The following ZC3H3 variants were observed in gnomAD, a reference collection of about 807,000 sequenced individuals.
The protein encoded by ZC3H3 is zinc finger CCCH-type containing 3, also known as zinc finger CCCH domain-containing protein 3.
A neutral mutation model predicts 77.3 loss-of-function variants in ZC3H3; 36 were observed. The observed-to-expected ratio is 0.47, with a 90% CI of 0.36 to 0.61. ZC3H3 has a LOEUF of 0.61. Among genes scored for constraint, ZC3H3 ranks in the 20% least tolerant of loss-of-function variants. The pLI, the probability that ZC3H3 is intolerant of heterozygous loss-of-function variation, is 0.00. For missense variants in ZC3H3, 1,331 were observed against 1,312.2 expected (o/e 1.01, Z -0.22); for synonymous variants, 626 against 555.2 (o/e 1.13, Z -1.79).
chr8:143,443,215 G>C (rs1819790053), intron 9 of ZC3H3, among the ~76,000 whole-genome samples: 1 of 150,308 alleles, frequency 6.7e-6, no homozygotes, highest in African/African-American at 2.4e-5. Context: ...AACCTGGGTG[G>C]TGGAGGTTGC....
chr8:143,490,126 C>T (rs981751711), intron 4 of ZC3H3, among the ~76,000 whole-genome samples: 22 of 152,104 alleles, frequency 1.4e-4, no homozygotes, highest in Non-Finnish European at 2.2e-4. Flanking sequence ...GCAGGGGCGG[C>T]GGGGGTGAAG....
intron 3 of ZC3H3, among the ~76,000 whole-genome samples, chr8:143,512,060 C>T (rs935854892): frequency 2.0e-5 from 3 of 152,242 alleles, no homozygotes; most frequent in African/African-American, 4.8e-5. Flanking sequence ...ACCATGTTCC[C>T]GGGAGAAGTG....
intron 3 of ZC3H3, among the ~76,000 whole-genome samples, chr8:143,508,249 CA>C (rs1456557976): frequency 1.3e-5 from 2 of 152,224 alleles, no homozygotes; most frequent in African/African-American, 2.4e-5. Flanking sequence ...GTATCCGCAA[CA>C]GGGGGACTCG....
At chr8:143,470,726 C>G (rs1001912127) in intron 5 of ZC3H3, among the ~76,000 whole-genome samples, 4 of 152,234 alleles carry the variant, frequency 2.6e-5, no homozygotes, top group African/African-American at 9.6e-5. Context: ...AAAAAAATGC[C>G]AGTGTGAGGC....
rs536480489 is a variant in ZC3H3 at position 143,494,384 on chromosome 8, G to A, written c.1715+13362C>T. 2.2e-4 allele frequency among the ~76,000 whole-genome samples: 33 copies of A among 152,342 alleles called. No individual in the cohort carries two copies. Among genetic ancestry groups the A allele is most frequent in the African/African-American group, 7.9e-4 (33 of 41,586 alleles). On this transcript the variant is annotated intron_variant, in intron 4 of 11. Coordinates refer to ENST00000262577, the MANE Select transcript of ZC3H3 (RefSeq NM_015117.3). This position sits in a 1 kb window ranked among gnomAD's most constrained non-coding sequence, Gnocchi z 5.3. ...AGCCCTCCCTCTGAGCAGGCCCCAG[G>A]CTCTGGGTGGGAAAAGCACAAATGC...
intron 3 of ZC3H3, among the ~76,000 whole-genome samples, chr8:143,519,003 C>T (rs1026506317): frequency 2.0e-5 from 3 of 152,226 alleles, no homozygotes; most frequent in East Asian, 1.9e-4. Context: ...GCCTGCCTCC[C>T]GGTGATGCAT....
intron 4 of ZC3H3, among the ~76,000 whole-genome samples, chr8:143,506,415 G>A (rs1025937709): frequency 2.6e-5 from 4 of 152,058 alleles, no homozygotes; most frequent in African/African-American, 9.7e-5. Flanking sequence ...CATGACTCCC[G>A]ATCACAGTGA....
intron 3 of ZC3H3, among the ~76,000 whole-genome samples, chr8:143,523,129 AAGAGGTGCTTTACCTC>A: frequency 6.6e-6 from 1 of 152,278 alleles, no homozygotes; most frequent in Admixed American, 6.5e-5. Context: ...TTCTCCCTGG[AAGAGGTGCTTTACCTC>A]CTCCTGCTTT....
At chr8:143,537,867 C>T in intron 2 of ZC3H3, 136 bp downstream of exon 2, 2 of 1,013,240 alleles carry the variant, frequency 2.0e-6, no homozygotes, top group Non-Finnish European at 2.9e-6. Context: ...CACAGCAGCA[C>T]TTCCTGCCTC....
At chr8:143,508,524 C>CT (rs760572133) in intron 3 of ZC3H3, among the ~76,000 whole-genome samples, 41 of 152,248 alleles carry the variant, frequency 2.7e-4, no homozygotes, top group Admixed American at 6.5e-4. Flanking sequence ...TAACAGGAAT[C>CT]TTTTGCCCGA....
intron 3 of ZC3H3, among the ~76,000 whole-genome samples, chr8:143,515,668 C>T (rs575308192): frequency 3.0e-4 from 45 of 152,312 alleles, no homozygotes; most frequent in Non-Finnish European, 5.1e-4. Context: ...CAATGCCAGC[C>T]ACATCAGCTG....
intron 9 of ZC3H3, among the ~76,000 whole-genome samples, chr8:143,463,135 C>T (rs146802344): frequency 2.0e-5 from 3 of 152,266 alleles, no homozygotes; most frequent in East Asian, 1.9e-4. Flanking sequence ...AGGCATTTGC[C>T]GCCACAACCG....
At chr8:143,457,047 G>A (rs569345501) in intron 9 of ZC3H3, among the ~76,000 whole-genome samples, 2 of 152,134 alleles carry the variant, frequency 1.3e-5, no homozygotes, top group Non-Finnish European at 2.9e-5. Context: ...AAACTAGACC[G>A]CAAATCATCA....
At chr8:143,461,843 G>T (rs56077651) in intron 9 of ZC3H3, among the ~76,000 whole-genome samples, 1 of 151,928 alleles carries the variant, frequency 6.6e-6, no homozygotes, top group Non-Finnish European at 1.5e-5. Flanking sequence ...AGGGAATTCT[G>T]GGGGGCGATG....
chr8:143,460,249 A>AAAATAAATAAAT lies in ZC3H3; in HGVS notation c.2307+5456_2307+5467dup, dbSNP rs539928786. On this transcript the variant is annotated intron_variant, in intron 9 of 11. Coordinates refer to ENST00000262577, the MANE Select transcript of ZC3H3 (RefSeq NM_015117.3). This position sits in a 1 kb window ranked among gnomAD's most constrained non-coding sequence, Gnocchi z 4.0. Reference sequence around the variant, plus strand: ...GGCGACAGAGTGAGACTATGTCTCAAAAATAAATAAATAAATAAATAAATA... The same window carrying AAAATAAATAAAT: ...GGCGACAGAGTGAGACTATGTCTCAAAAATAAATAAATAAATAAATAAATAAATAAATAAATA... Among the ~76,000 whole-genome samples, 491 of 144,216 alleles carry AAAATAAATAAAT rather than the reference A, an allele frequency of 3.4e-3. 1 individual carries two copies. The highest frequency in any genetic ancestry group is 7.2e-3 in the Middle Eastern group (2 of 278). 94.6% of individuals were successfully genotyped at this position (144,216 alleles called of 152,430 possible).
At chr8:143,446,586 G>C (rs762171020) in intron 9 of ZC3H3, among the ~76,000 whole-genome samples, 13 of 152,206 alleles carry the variant, frequency 8.5e-5, no homozygotes, top group Non-Finnish European at 1.5e-4. Flanking sequence ...CATGGGAAAA[G>C]GTTTTCCACC....
At position 143,538,626 on chromosome 8, in the gene ZC3H3, C is replaced by A. The variant is rs1822891287; in HGVS notation, c.741G>T (p.Leu247=). The change falls in exon 2 of 12, where the codon CTG becomes CTT. Residue 247 remains leucine (L), a synonymous_variant. Transcript: ENST00000262577. ...PRTGVALGRK[L]GSHSVASCAP... ...CACAGCTGGCCACGGAATGAGAACC[C>A]AGCTTCCGGCCCAGGGCCACGCCAG... The A allele has an allele frequency of 6.8e-6, 11 of 1,609,190 alleles. No homozygotes were observed. The highest frequency in any genetic ancestry group is 1.1e-5 in the South Asian group (1 of 91,088).
chr8:143,529,934 C>T (rs994418856), intron 3 of ZC3H3, among the ~76,000 whole-genome samples: 16 of 152,340 alleles, frequency 1.1e-4, no homozygotes, highest in African/African-American at 3.6e-4. Flanking sequence ...AGAGGTGGGT[C>T]CAAGACCCAC....
chr8:143,440,082 G>A lies in ZC3H3; in HGVS notation c.2774C>T (p.Pro925Leu). ...GGGGGCCCTAGGGGCCCGGACCCTG[G>A]GCTGGGCTCCTGGGCTCGGCGAGGA... ...LQSSPSPGAQ[P>L]RVRAPRAPLT... Residue 925 changes from proline (P) to leucine (L), a missense_variant, in exon 11 of 12, where the codon CCC becomes CTC. Physicochemically the swap from Pro to Leu is moderately conservative, Grantham distance 98. Coordinates refer to ENST00000262577, the MANE Select transcript of ZC3H3 (RefSeq NM_015117.3). 6.3e-7 allele frequency: 1 copy of A among 1,599,180 alleles called. No homozygotes were observed. The highest frequency in any genetic ancestry group is 8.5e-7 in the Non-Finnish European group (1 of 1,174,062).
Sources: gnomAD v4.1 joint callset for allele counts (sites outside exome capture counted in the v4.1 genomes callset) on GRCh38, gnomAD v4.1.1 for gene constraint, Gnocchi (gnomAD v3.1) non-coding constraint, MANE v1.5 for transcripts, NCBI Gene and HGNC (gene_info 2026-07-23, HGNC 2026-07-21) for gene names.